CEMIP2: variants seen among roughly 807,000 people sequenced by gnomAD.
CEMIP2 encodes the protein cell surface hyaluronidase CEMIP2.
A neutral mutation model predicts 146.9 loss-of-function variants in CEMIP2; 79 were observed. The observed-to-expected ratio is 0.54, with a 90% CI of 0.45 to 0.65. The LOEUF is 0.65. Among genes scored for constraint, CEMIP2 ranks in the 30% least tolerant of loss-of-function variants. The probability of loss-of-function intolerance (pLI) is 0.00; values close to 1 mark genes in which losing one functional copy is unlikely to be tolerated. For synonymous variants in CEMIP2, 601 were observed against 606.3 expected (o/e 0.99, Z 0.13); for missense variants, 1,596 against 1,696.2 (o/e 0.94, Z 1.04).
intron 21 of CEMIP2, among the ~76,000 whole-genome samples, chr9:71,693,450 C>A (rs1050702255): frequency 6.6e-6 from 1 of 152,210 alleles, no homozygotes; most frequent in Non-Finnish European, 1.5e-5. Context: ...ACAACTAACA[C>A]TTTGCATCTT....
chr9:71,727,314 AT>A (rs2131952457), intron 10 of CEMIP2, among the ~76,000 whole-genome samples: 1 of 152,338 alleles, frequency 6.6e-6, no homozygotes, highest in South Asian at 2.1e-4. Flanking sequence ...AGATCAGAAG[AT>A]GGCTGTGCAT....
intron 10 of CEMIP2, among the ~76,000 whole-genome samples, chr9:71,728,279 A>ATATATATATACC (rs1554684721): frequency 6.8e-5 from 1 of 14,738 alleles, no homozygotes; most frequent in African/African-American, 1.6e-4. Context: ...ATATATATAT[A>ATATATATATACC]TGTATATATA....
intron 1 of CEMIP2, among the ~76,000 whole-genome samples, chr9:71,751,734 T>A (rs976985003): frequency 1.3e-5 from 2 of 152,198 alleles, no homozygotes; most frequent in South Asian, 4.1e-4. Context: ...AAATTGAAGC[T>A]AAAAGTCCAT....
chr9:71,728,274 T>TATATATATATAC (rs1823481370), intron 10 of CEMIP2, among the ~76,000 whole-genome samples: 1 of 9,896 alleles, frequency 1.0e-4, no homozygotes, highest in Non-Finnish European at 3.0e-4. Context: ...TATATATATA[T>TATATATATATAC]ATATATGTAT....
intron 5 of CEMIP2, among the ~76,000 whole-genome samples, chr9:71,737,872 T>G (rs548444547): frequency 1.2e-4 from 19 of 152,308 alleles, no homozygotes; most frequent in Middle Eastern, 3.4e-3. Flanking sequence ...ATAGTAATTC[T>G]AACAACAATA....
chr9:71,709,868 T>G (rs1822855346), intron 16 of CEMIP2, among the ~76,000 whole-genome samples: 1 of 152,228 alleles, frequency 6.6e-6, no homozygotes, highest in African/African-American at 2.4e-5. Context: ...ACTGTACATG[T>G]AAGATCTGTG....
chr9:71,710,265 T>G (rs1344830800), intron 16 of CEMIP2, among the ~76,000 whole-genome samples: 1 of 152,188 alleles, frequency 6.6e-6, no homozygotes, highest in Non-Finnish European at 1.5e-5. Context: ...TTATTAGCAG[T>G]AAATTATATA....
At chr9:71,716,923 A>C (rs928903944) in intron 13 of CEMIP2, among the ~76,000 whole-genome samples, 1 of 152,158 alleles carries the variant, frequency 6.6e-6, no homozygotes, top group Non-Finnish European at 1.5e-5. Flanking sequence ...TGTAATCCCA[A>C]CACTTTGGGA....
chr9:71,756,322 T>C (rs1824449720), intron 1 of CEMIP2, among the ~76,000 whole-genome samples: 2 of 148,890 alleles, frequency 1.3e-5, no homozygotes, highest in Non-Finnish European at 3.0e-5. Context: ...TATGTGCGTG[T>C]GTATGTGTGT....
intron 5 of CEMIP2, among the ~76,000 whole-genome samples, chr9:71,738,057 C>G (rs1264406203): frequency 6.6e-6 from 1 of 151,982 alleles, no homozygotes; most frequent in Admixed American, 6.6e-5. Flanking sequence ...TTCCAGAGCC[C>G]AATTTCTTTC....
At chr9:71,704,487 T>C (rs1400914980) in intron 18 of CEMIP2, 108 bp downstream of exon 18, 2 of 1,116,320 alleles carry the variant, frequency 1.8e-6, no homozygotes, top group Non-Finnish European at 2.7e-6. Context: ...AAGCAAAGTA[T>C]GTAAAATTGG....
At chr9:71,718,733 C>A (rs533454789) in intron 12 of CEMIP2, among the ~76,000 whole-genome samples, 1 of 152,124 alleles carries the variant, frequency 6.6e-6, no homozygotes, top group Admixed American at 6.5e-5. Context: ...TCCATCGCCA[C>A]ACCCACCTAA....
At chr9:71,746,448 A>T in intron 2 of CEMIP2, 107 bp from the exon 3 acceptor site, 1 of 1,351,242 alleles carries the variant, frequency 7.4e-7, no homozygotes, top group South Asian at 1.4e-5. Flanking sequence ...ATGTGCTAAC[A>T]TATGTTGATT....
chr9:71,760,243 G>C (rs887523994), intron 1 of CEMIP2, among the ~76,000 whole-genome samples: 2 of 152,098 alleles, frequency 1.3e-5, no homozygotes, highest in African/African-American at 4.8e-5. Context: ...AAATGCCTAT[G>C]GTCTGTATTT....
intron 2 of CEMIP2, among the ~76,000 whole-genome samples, chr9:71,749,127 T>A (rs748234540): frequency 3.9e-5 from 6 of 152,218 alleles, no homozygotes; most frequent in South Asian, 2.1e-4. Flanking sequence ...AATATTGATA[T>A]ATCATTAACT....
chr9:71,729,982 C>T, intron 9 of CEMIP2, 66 bp downstream of exon 9: 1 of 1,613,118 alleles, frequency 6.2e-7, no homozygotes, highest in Non-Finnish European at 8.5e-7. Flanking sequence ...AAAACTTCCC[C>T]CAAAACCTCT....
chr9:71,706,951 C>G (rs1308289115), intron 17 of CEMIP2, among the ~76,000 whole-genome samples: 1 of 152,106 alleles, frequency 6.6e-6, no homozygotes, highest in East Asian at 1.9e-4. Flanking sequence ...CCTCAGTCCC[C>G]TCGAGTAGCT....
intron 22 of CEMIP2, among the ~76,000 whole-genome samples, chr9:71,689,324 A>C (rs1455836118): frequency 1.3e-5 from 2 of 152,228 alleles, no homozygotes; most frequent in Non-Finnish European, 2.9e-5. Context: ...ATTTGGGGAA[A>C]GCTTAAGTTC....
intron 22 of CEMIP2, chr9:71,687,284 C>T (rs1299496470): frequency 2.6e-5 from 4 of 151,936 alleles, no homozygotes; most frequent in Non-Finnish European, 5.9e-5. Flanking sequence ...AAATGTAATG[C>T]ACTTGAATCA....
Sources: allele counts gnomAD v4.1 joint callset (sites outside exome capture counted in the v4.1 genomes callset), GRCh38; gene constraint gnomAD v4.1.1; transcripts MANE v1.5; gene names NCBI Gene and HGNC (gene_info 2026-07-23, HGNC 2026-07-21).